Variants in ARFGEF2 observed in about 807,000 individuals in gnomAD.
The protein encoded by ARFGEF2 is ARF guanine nucleotide exchange factor 2.
A neutral mutation model predicts 219.9 loss-of-function variants in ARFGEF2; 74 were observed. The ratio of observed to expected loss-of-function variants is 0.34; its 90% confidence interval spans 0.28 to 0.41. The LOEUF (loss-of-function observed/expected upper bound fraction) is 0.41. ARFGEF2 is among the 10% of genes least tolerant of loss of function. ARFGEF2 has a pLI of 1.00. For synonymous variants in ARFGEF2, 733 were observed against 799.2 expected (o/e 0.92, Z 1.40); for missense variants, 1,743 against 2,218.3 (o/e 0.79, Z 4.30).
At chr20:48,922,793 A>G (rs2090851577) in intron 1 of ARFGEF2, among the ~76,000 whole-genome samples, 1 of 152,240 alleles carries the variant, frequency 6.6e-6, no homozygotes, top group African/African-American at 2.4e-5. Context: ...TTCAGTTTTA[A>G]TCATTTAACA....
chr20:49,006,018 G>A (rs900034013), intron 26 of ARFGEF2, among the ~76,000 whole-genome samples: 2 of 151,996 alleles, frequency 1.3e-5, no homozygotes, highest in African/African-American at 4.8e-5. Flanking sequence ...GTGTTTGGCC[G>A]GGCGCGGTGG....
At chr20:48,972,786 A>G (rs2091236416) in intron 11 of ARFGEF2, among the ~76,000 whole-genome samples, 1 of 152,238 alleles carries the variant, frequency 6.6e-6, no homozygotes, top group African/African-American at 2.4e-5. Flanking sequence ...ACCTTACACT[A>G]TACAATTGTG....
At chr20:49,028,074 A>T (rs887272579) in intron 36 of ARFGEF2, among the ~76,000 whole-genome samples, 1 of 152,204 alleles carries the variant, frequency 6.6e-6, no homozygotes, top group African/African-American at 2.4e-5. Context: ...CCTGACCAAC[A>T]TGGAGAAACC....
intron 37 of ARFGEF2, 68 bp downstream of exon 37, chr20:49,028,736 G>A: frequency 1.3e-6 from 2 of 1,530,062 alleles, no homozygotes; most frequent in East Asian, 2.3e-5. Flanking sequence ...CAATACTGTG[G>A]ATTGAAAAGA....
In ARFGEF2 at chr20:48,941,723, C is replaced by T. The variant is rs2090994162; in HGVS notation, c.153-141C>T. On this transcript the variant is annotated intron_variant, in intron 2 of 38. Coordinates refer to ENST00000371917, the MANE Select transcript of ARFGEF2 (RefSeq NM_006420.3). ...CACTTCAGTGGTGTTTTTGCTAATG[C>T]ATGTATTCAACTTTTAATGCCTAGC... The T allele has an allele frequency of 1.1e-5, 13 of 1,225,866 alleles. No homozygotes were observed. In the South Asian group the frequency reaches 1.6e-4, roughly 15 times the overall value. The allele number at this position is 1,225,866 out of a possible 1,614,324, so 75.9% of individuals were successfully genotyped here. A position where few individuals can be genotyped will look rare whatever the true frequency, so the allele number is the denominator to read the frequency against.
intron 6 of ARFGEF2, 134 bp from the exon 7 acceptor site, chr20:48,963,696 A>C: frequency 1.3e-6 from 1 of 787,984 alleles, no homozygotes; most frequent in Non-Finnish European, 2.2e-6. Flanking sequence ...ACACAATCAG[A>C]TTTGGCCTTG....
chr20:48,999,746 TAAAA>T (rs761792091), intron 25 of ARFGEF2, among the ~76,000 whole-genome samples: 1 of 111,406 alleles, frequency 9.0e-6, no homozygotes, highest in East Asian at 2.6e-4. Flanking sequence ...GACTCCGTCT[TAAAA>T]AAAAAAAAAA....
At chr20:48,995,152 G>T (rs768643048) in intron 22 of ARFGEF2, among the ~76,000 whole-genome samples, 1 of 152,200 alleles carries the variant, frequency 6.6e-6, no homozygotes, top group Non-Finnish European at 1.5e-5. Flanking sequence ...AATCCAATGA[G>T]AACAGGGACT....
At chr20:48,995,611 A>G (rs973586029) in intron 22 of ARFGEF2, among the ~76,000 whole-genome samples, 172 bp from the exon 23 acceptor site, 4 of 152,240 alleles carry the variant, frequency 2.6e-5, no homozygotes, top group Admixed American at 2.0e-4. Context: ...TAAATGCCCA[A>G]TGCCAAAACA....
intron 1 of ARFGEF2, among the ~76,000 whole-genome samples, chr20:48,924,862 T>C (rs1876110114): frequency 6.6e-6 from 1 of 152,204 alleles, no homozygotes; most frequent in Admixed American, 6.5e-5. Context: ...CTTATAGGAT[T>C]ATTGTAAAGA....
chr20:48,966,163 T>C (rs913122060), intron 8 of ARFGEF2, 140 bp downstream of exon 8: 4 of 1,046,482 alleles, frequency 3.8e-6, no homozygotes, highest in East Asian at 2.6e-5. Context: ...TGGGCTGATA[T>C]TCTTTGTATT....
chr20:49,003,002 C>A (rs1320510234), intron 25 of ARFGEF2, among the ~76,000 whole-genome samples: 2 of 120,608 alleles, frequency 1.7e-5, no homozygotes, highest in African/African-American at 3.2e-5. Context: ...GGATCTTGCT[C>A]TGTCACCCAG....
chr20:49,018,568 A>T (rs2091545251), intron 33 of ARFGEF2, among the ~76,000 whole-genome samples: 1 of 152,198 alleles, frequency 6.6e-6, no homozygotes, highest in African/African-American at 2.4e-5. Context: ...TAGTTACTGC[A>T]CTAGTAATTT....
Position 48,971,214 on chromosome 20 carries a change from A to G in ARFGEF2, c.1285A>G (p.Ile429Val). The part of the protein sequence containing the change: ...GPVFRTHEMF[I>V]NAIKQYLCVA... Reference sequence around the variant, plus strand: ...CGTATTCAGGACTCACGAGATGTTCATCAATGCAATCAAGCAATATCTCTG... The same window carrying G: ...CGTATTCAGGACTCACGAGATGTTCGTCAATGCAATCAAGCAATATCTCTG... The change falls in exon 10 of 39, where the codon ATC becomes GTC. Residue 429 changes from isoleucine to valine, a missense_variant. Ile to Val is a conservative substitution (Grantham distance 29). Transcript: ENST00000371917. 3.1e-6 allele frequency: 5 copies of G among 1,614,132 alleles called. No individual in the cohort carries two copies. In the South Asian group the frequency reaches 4.4e-5, roughly 14 times the overall value.
chr20:49,003,389 G>C (rs894955410), intron 25 of ARFGEF2, among the ~76,000 whole-genome samples: 8 of 151,252 alleles, frequency 5.3e-5, no homozygotes, highest in African/African-American at 1.9e-4. Context: ...TGGATCACCT[G>C]AAGTCAGGAG....
chr20:48,936,442 C>G (rs2090958158), intron 1 of ARFGEF2, among the ~76,000 whole-genome samples: 1 of 151,456 alleles, frequency 6.6e-6, no homozygotes, highest in South Asian at 2.1e-4. Flanking sequence ...AGGGGCTCCT[C>G]ACTTCTCAGA....
chr20:48,983,950 AT>A (rs2091311278), intron 14 of ARFGEF2, among the ~76,000 whole-genome samples: 2 of 151,978 alleles, frequency 1.3e-5, no homozygotes, highest in African/African-American at 4.8e-5. Flanking sequence ...ATGGTGGCTC[AT>A]GCCCGTTATC....
intron 27 of ARFGEF2, among the ~76,000 whole-genome samples, chr20:49,011,130 G>C (rs2091495130): frequency 6.6e-6 from 1 of 152,186 alleles, no homozygotes; most frequent in Non-Finnish European, 1.5e-5. Context: ...GCTTCCTTCA[G>C]GCATGAGTTA....
chr20:48,974,857 AC>A lies in ARFGEF2; in HGVS notation c.1759del (p.His587ThrfsTer15). 2 of 1,613,658 alleles carry A rather than the reference AC, an allele frequency of 1.2e-6. No homozygotes were observed. The highest frequency in any genetic ancestry group is 1.7e-6 in the Non-Finnish European group (2 of 1,179,814). ...AGCAAAGACCTGTATGTGAATCCCA[AC>A]CACCAGACCAGCCTCGGTGAGACAG... is the stretch of plus-strand genomic sequence containing the variant. ...EWSKDLYVNPNHQTSLGQERL... is the reference protein window; with the variant it reads ...EWSKDLYVNPXHQTSLGQERL... On this transcript the variant is annotated frameshift_variant, in exon 13 of 39. Transcript: ENST00000371917. LOFTEE classifies it high-confidence loss of function.
Sources: gnomAD v4.1 joint callset for allele counts (sites outside exome capture counted in the v4.1 genomes callset) on GRCh38, gnomAD v4.1.1 for gene constraint, MANE v1.5 for transcripts, NCBI Gene and HGNC (gene_info 2026-07-23, HGNC 2026-07-21) for gene names.